The following MCC variants were observed in gnomAD, a reference collection of about 807,000 sequenced individuals.
MCC encodes the protein colorectal mutant cancer protein.
MCC carries 90 observed loss-of-function variants against 116.2 expected under a neutral mutation model. The observed-to-expected ratio is 0.77, with a 90% CI of 0.65 to 0.92. The LOEUF is 0.92. Ranked by LOEUF, MCC falls within the 40% of genes least tolerant of loss-of-function variation. MCC has a pLI of 0.00. For synonymous variants in MCC, 578 were observed against 510.5 expected, an observed-to-expected ratio of 1.13 and a Z score of -1.78; for missense variants, 1,516 against 1,312.2, an observed-to-expected ratio of 1.16 and a Z score of -2.40.
intron 6 of MCC, among the ~76,000 whole-genome samples, chr5:113,108,523 C>T (rs6594682): frequency 0.37 from 56,052 of 150,292 alleles, 11,207 homozygotes; most frequent in South Asian, 0.46. Context: ...CATAGTGGTG[C>T]GGGCCTGTAA....
At chr5:113,433,909 T>G (rs769629300) in intron 1 of MCC, 1 of 1,613,994 alleles carries the variant, frequency 6.2e-7, no homozygotes, top group Non-Finnish European at 8.5e-7. Context: ...GGCTCCAGCT[T>G]GGTGGCAGAC....
rs756416913 is a variant in MCC, at chr5:113,416,876, C to A, written c.171-31664G>T. ...ATATAATGACAATTATTTTTGTCAA[C>A]AATTTGCAAATTATTGACAAAATTG... On this transcript the variant is annotated intron_variant, in intron 1 of 18. Coordinates refer to ENST00000408903, the MANE Select transcript of MCC (RefSeq NM_001085377.2). Among the ~76,000 whole-genome samples, 65 of 151,172 alleles carry A rather than the reference C, an allele frequency of 4.3e-4. 1 individual carries two copies. The highest frequency in any genetic ancestry group is 8.4e-4 in the Non-Finnish European group (57 of 67,796).
chr5:113,119,338 T>A lies in MCC; in HGVS notation c.1027+3346A>T, dbSNP rs538261723. 2.0e-5 allele frequency among the ~76,000 whole-genome samples: 3 copies of A among 152,088 alleles called. No individual in the cohort carries two copies. The East Asian group carries it at 5.8e-4, about 29-fold the overall frequency. On this transcript the variant is annotated intron_variant, in intron 6 of 18. Coordinates refer to ENST00000408903, the MANE Select transcript of MCC (RefSeq NM_001085377.2). ...AGGGAAAGGGAAGCAAGTGGCTGCCTGAGAGTGAGGGATGAGGCATGACTC... is the reference window on the plus strand; with the variant it reads ...AGGGAAAGGGAAGCAAGTGGCTGCCAGAGAGTGAGGGATGAGGCATGACTC...
chr5:113,347,804 A>G (rs184268964), intron 2 of MCC, among the ~76,000 whole-genome samples: 1 of 151,744 alleles, frequency 6.6e-6, no homozygotes, highest in East Asian at 1.9e-4. Flanking sequence ...AAAAAGCAAG[A>G]CCAAATGACC....
At chr5:113,131,238 G>A (rs1758409453) in intron 5 of MCC, among the ~76,000 whole-genome samples, 1 of 152,128 alleles carries the variant, frequency 6.6e-6, no homozygotes, top group South Asian at 2.1e-4. Flanking sequence ...TGTTTAATTT[G>A]CTTAGAAATC....
At chr5:113,168,809 A>T (rs1291271146) in intron 3 of MCC, among the ~76,000 whole-genome samples, 1 of 152,142 alleles carries the variant, frequency 6.6e-6, no homozygotes, top group African/African-American at 2.4e-5. Context: ...GGGGCAACAG[A>T]CTAGTCCACA....
chr5:113,171,560 G>T (rs555837215), intron 3 of MCC, among the ~76,000 whole-genome samples: 46 of 151,974 alleles, frequency 3.0e-4, no homozygotes, highest in Non-Finnish European at 4.9e-4. Flanking sequence ...TCACCATGTT[G>T]CCCAGGCTGG....
chr5:113,259,097 CA>C (rs1006120778), intron 3 of MCC, among the ~76,000 whole-genome samples: 4 of 152,112 alleles, frequency 2.6e-5, no homozygotes, highest in African/African-American at 9.7e-5. Context: ...TTTACAACAG[CA>C]AAATGCAAGA....
intron 3 of MCC, among the ~76,000 whole-genome samples, chr5:113,249,820 T>C (rs1200186874): frequency 1.3e-5 from 2 of 152,178 alleles, no homozygotes; most frequent in African/African-American, 2.4e-5. Flanking sequence ...GGCCCCCTTA[T>C]CCACTGCTCC....
In MCC at chr5:113,151,359, G is replaced by C; in HGVS notation, c.691C>G (p.Gln231Glu). 1.2e-6 allele frequency: 2 copies of C among 1,613,862 alleles called. No individual in the cohort carries two copies. Among genetic ancestry groups the C allele is most frequent in the Non-Finnish European group, 1.7e-6 (2 of 1,179,864 alleles). The change falls in exon 4 of 19, where the codon CAA becomes GAA. Residue 231 changes from glutamine (Q) to glutamate (E), a missense_variant. Gln to Glu is a conservative substitution (Grantham distance 29). Coordinates refer to ENST00000408903, the MANE Select transcript of MCC (RefSeq NM_001085377.2). ...AGAAGGTCCCGTTCCCTCTCTGTTT[G>C]CTGGAGACGTTTATTAAGTTCCACT... Reference protein sequence around the residue: ...DIVELNKRLQQTERERDLLEK... With the variant: ...DIVELNKRLQETERERDLLEK...
chr5:113,300,401 G>A (rs1766833390), intron 3 of MCC, among the ~76,000 whole-genome samples: 1 of 152,114 alleles, frequency 6.6e-6, no homozygotes, highest in Non-Finnish European at 1.5e-5. Flanking sequence ...TAAACAAAAC[G>A]CTGATACCTC....
rs368537015 is a variant in MCC at position 113,292,532 on chromosome 5, G to A, written c.627+47987C>T. Among the ~76,000 whole-genome samples, 26 of 152,206 alleles carry A rather than the reference G, an allele frequency of 1.7e-4. 4 individuals carry two copies. The highest frequency in any genetic ancestry group is 6.5e-4 in the Admixed American group (10 of 15,274). ...CAAAGCACTCTCAACTCTTTCATTT[G>A]CCTACAAGCTTTATAGGGATTACTT... On this transcript the variant is annotated intron_variant, in intron 3 of 18. Transcript: ENST00000408903.
intron 1 of MCC, among the ~76,000 whole-genome samples, chr5:113,479,589 T>C (rs1197753320): frequency 1.3e-5 from 2 of 152,178 alleles, no homozygotes; most frequent in Non-Finnish European, 2.9e-5. Flanking sequence ...TTTACAATCC[T>C]AAGTAGGGCT....
chr5:113,079,825 A>C (rs1373492791), intron 11 of MCC, among the ~76,000 whole-genome samples: 1 of 152,252 alleles, frequency 6.6e-6, no homozygotes, highest in Non-Finnish European at 1.5e-5. Flanking sequence ...ATTAAACTAA[A>C]GAGCTTCTGC....
At chr5:113,139,584 C>G (rs2150283589) in intron 5 of MCC, among the ~76,000 whole-genome samples, 1 of 152,204 alleles carries the variant, frequency 6.6e-6, no homozygotes, top group East Asian at 1.9e-4. Flanking sequence ...GAATGGCGAT[C>G]ATTAAAAAGT....
intron 15 of MCC, 34 bp downstream of exon 15, chr5:113,053,691 G>A (rs1364987152): frequency 6.7e-7 from 1 of 1,495,836 alleles, no homozygotes; most frequent in East Asian, 2.3e-5. Flanking sequence ...CCTCCTGGTG[G>A]CAGCCTAGCA....
chr5:113,121,271 A>G (rs1757720696), intron 6 of MCC, among the ~76,000 whole-genome samples: 1 of 152,164 alleles, frequency 6.6e-6, no homozygotes, highest in Non-Finnish European at 1.5e-5. Context: ...TCAAAATGCA[A>G]ATCTGATTAT....
intron 3 of MCC, among the ~76,000 whole-genome samples, chr5:113,192,847 A>C (rs1246343521): frequency 6.6e-6 from 1 of 152,204 alleles, no homozygotes; most frequent in African/African-American, 2.4e-5. Context: ...GTCAGTATGA[A>C]AGTTTTTCCA....
chr5:113,425,887 G>A (rs10057372), intron 1 of MCC, among the ~76,000 whole-genome samples: 17,708 of 151,862 alleles, frequency 0.12, 1,809 homozygotes, highest in African/African-American at 0.28. Flanking sequence ...AGATGGGTGG[G>A]GAGAGGCCAA....
Sources: allele counts gnomAD v4.1 joint callset (sites outside exome capture counted in the v4.1 genomes callset), GRCh38; gene constraint gnomAD v4.1.1; transcripts MANE v1.5; gene names NCBI Gene and HGNC (gene_info 2026-07-23, HGNC 2026-07-21).